PGM5: variants seen among roughly 807,000 people sequenced by gnomAD.
PGM5 encodes the protein phosphoglucomutase-like protein 5.
Under a neutral mutation model 59.2 loss-of-function variants are expected in PGM5, and 23 were observed. The observed-to-expected ratio is 0.39, with a 90% CI of 0.28 to 0.55. The LOEUF is 0.55. Ranked by LOEUF, PGM5 falls within the 20% of genes least tolerant of loss-of-function variation. The pLI is 0.66. For synonymous variants in PGM5, 214 were observed against 286.0 expected (o/e 0.75, Z 2.54); for missense variants, 574 against 748.3 (o/e 0.77, Z 2.72).
chr9:68,488,889 A>G (rs1824341441), intron 9 of PGM5, among the ~76,000 whole-genome samples: 1 of 152,188 alleles, frequency 6.6e-6, no homozygotes, highest in African/African-American at 2.4e-5. Context: ...TACAATGAGA[A>G]TAGGGGAGCA....
intron 6 of PGM5, among the ~76,000 whole-genome samples, chr9:68,427,592 C>T (rs781921681): frequency 1.2e-4 from 18 of 152,178 alleles, no homozygotes; most frequent in Non-Finnish European, 1.9e-4. Flanking sequence ...GGGCTTTTCA[C>T]TTGTGTATAA....
chr9:68,517,401 C>T (rs1824839400), intron 10 of PGM5, among the ~76,000 whole-genome samples: 1 of 151,994 alleles, frequency 6.6e-6, no homozygotes, highest in African/African-American at 2.4e-5. Context: ...ATTAGAATGC[C>T]CCAGATTCCT....
At chr9:68,469,964 A>G (rs1395583300) in intron 7 of PGM5, among the ~76,000 whole-genome samples, 1 of 152,248 alleles carries the variant, frequency 6.6e-6, no homozygotes, top group African/African-American at 2.4e-5. Flanking sequence ...GAAGATTTAT[A>G]AAACAAAATC....
chr9:68,489,657 G>C lies in PGM5; in HGVS notation c.1479+5609G>C, dbSNP rs558403035. ...TTTTTTTATACCCTTAGTAGAGACA[G>C]GGTTTTACCATGTTGGCCAGTCTGA... is the stretch of plus-strand genomic sequence containing the variant. On this transcript the variant is annotated intron_variant, in intron 9 of 10. Coordinates refer to ENST00000396396, the MANE Select transcript of PGM5 (RefSeq NM_021965.4). 3.8e-4 allele frequency among the ~76,000 whole-genome samples: 57 copies of C among 151,794 alleles called. 1 individual carries two copies. Among genetic ancestry groups the C allele is most frequent in the South Asian group, 8.3e-4 (4 of 4,814 alleles).
At chr9:68,391,114 T>A (rs1176381636) in intron 4 of PGM5, among the ~76,000 whole-genome samples, 1 of 152,056 alleles carries the variant, frequency 6.6e-6, no homozygotes, top group Non-Finnish European at 1.5e-5. Context: ...TTATAGTGTT[T>A]AATTATATAC....
chr9:68,495,369 A>G lies in PGM5; in HGVS notation c.1480-3858A>G, dbSNP rs139745799. ...GAGGATCCACTTGGGCTGAACCTCA[A>G]ATTTGGCATTAAGTATCCTGGCAGC... On this transcript the variant is annotated intron_variant, in intron 9 of 10. Coordinates refer to ENST00000396396, the MANE Select transcript of PGM5 (RefSeq NM_021965.4). Among the ~76,000 whole-genome samples, 776 of 152,324 alleles carry G rather than the reference A, an allele frequency of 5.1e-3. 2 individuals carry two copies. Among genetic ancestry groups the G allele is most frequent in the Admixed American group, 7.7e-3 (118 of 15,300 alleles).
chr9:68,452,975 A>C (rs896946985), intron 6 of PGM5, among the ~76,000 whole-genome samples: 2 of 152,166 alleles, frequency 1.3e-5, no homozygotes, highest in Non-Finnish European at 2.9e-5. Flanking sequence ...AGTAGGAGTA[A>C]ATTCCCTTGG....
chr9:68,459,968 G>C (rs1237713976), intron 6 of PGM5, among the ~76,000 whole-genome samples: 1 of 152,144 alleles, frequency 6.6e-6, no homozygotes, highest in Non-Finnish European at 1.5e-5. Flanking sequence ...CTGTGTATTT[G>C]AGGGTCTTAA....
At chr9:68,403,788 G>A (rs1822735493) in intron 6 of PGM5, among the ~76,000 whole-genome samples, 1 of 152,176 alleles carries the variant, frequency 6.6e-6, no homozygotes, top group Non-Finnish European at 1.5e-5. Flanking sequence ...GGGTAGGGGT[G>A]GGGGTAGGGA....
At chr9:68,416,655 A>G (rs1416135990) in intron 6 of PGM5, among the ~76,000 whole-genome samples, 7 of 152,232 alleles carry the variant, frequency 4.6e-5, no homozygotes, top group Admixed American at 4.6e-4. Flanking sequence ...TCCCTATATA[A>G]GCAGTTCCAA....
In PGM5 at chr9:68,391,526, A is replaced by G; in HGVS notation, c.698-8A>G. On this transcript the variant is annotated splice_region_variant and splice_polypyrimidine_tract_variant and intron_variant, in intron 4 of 10. Transcript: ENST00000396396. ...AAATATTTAATATTGCTGTGTATCTATTTTTAGTTATGGGACCTTATGTGA... is the reference window on the plus strand; with the variant it reads ...AAATATTTAATATTGCTGTGTATCTGTTTTTAGTTATGGGACCTTATGTGA... 1 of 1,612,930 alleles carries G rather than the reference A, an allele frequency of 6.2e-7. No homozygotes were observed. The highest frequency in any genetic ancestry group is 8.5e-7 in the Non-Finnish European group (1 of 1,179,444).
chr9:68,421,403 A>T (rs966496499), intron 6 of PGM5, among the ~76,000 whole-genome samples: 1 of 152,068 alleles, frequency 6.6e-6, no homozygotes, highest in Admixed American at 6.6e-5. Context: ...GATTCTCCAT[A>T]TTAAATTCCT....
intron 6 of PGM5, among the ~76,000 whole-genome samples, chr9:68,430,605 C>T (rs886418987): frequency 1.1e-4 from 16 of 152,218 alleles, no homozygotes; most frequent in African/African-American, 3.6e-4. Flanking sequence ...TCAACTTTTC[C>T]GGAATCAGGT....
At chr9:68,362,755 T>G (rs188373554) in intron 1 of PGM5, among the ~76,000 whole-genome samples, 109 of 152,284 alleles carry the variant, frequency 7.2e-4, no homozygotes, top group Admixed American at 2.0e-3. Context: ...TAAGGCAATT[T>G]CTTTTTCTCT....
chr9:68,513,417 A>T (rs893108719), intron 10 of PGM5, among the ~76,000 whole-genome samples: 4 of 152,244 alleles, frequency 2.6e-5, no homozygotes, highest in African/African-American at 9.6e-5. Context: ...TTTTCAGAAG[A>T]GCAGCACTAT....
intron 6 of PGM5, chr9:68,396,355 G>A (rs1325638844): frequency 6.6e-6 from 1 of 152,130 alleles, no homozygotes; most frequent in African/African-American, 2.4e-5. Flanking sequence ...GGATCAAAAG[G>A]GTCCCTGATA....
At chr9:68,398,493 G>T (rs11141180) in intron 6 of PGM5, 48,197 of 152,036 alleles carry the variant, frequency 0.32, 7,731 homozygotes, top group Middle Eastern at 0.39. Flanking sequence ...GACTAAGAAG[G>T]GTCCAGGGGA....
At chr9:68,387,776 A>G (rs368148610) in intron 4 of PGM5, among the ~76,000 whole-genome samples, 188 bp downstream of exon 4, 13 of 151,970 alleles carry the variant, frequency 8.6e-5, no homozygotes, top group African/African-American at 2.9e-4. Context: ...AATGAAAACA[A>G]AAGTTGAACA....
chr9:68,475,307 T>C (rs1554686581), intron 7 of PGM5, among the ~76,000 whole-genome samples: 3 of 151,682 alleles, frequency 2.0e-5, no homozygotes, highest in Admixed American at 2.0e-4. Context: ...AGTGCTGTGA[T>C]TACAGGTGTG....
Sources: allele counts gnomAD v4.1 joint callset (sites outside exome capture counted in the v4.1 genomes callset), GRCh38; gene constraint gnomAD v4.1.1; transcripts MANE v1.5; gene names NCBI Gene and HGNC (gene_info 2026-07-23, HGNC 2026-07-21).